The following PTPRD variants were observed in gnomAD, a reference collection of about 807,000 sequenced individuals.
The protein encoded by PTPRD is protein tyrosine phosphatase receptor type D.
A neutral mutation model predicts 214.5 loss-of-function variants in PTPRD; 34 were observed. The ratio of observed to expected loss-of-function variants is 0.16; its 90% CI spans 0.12 to 0.21. The LOEUF (loss-of-function observed/expected upper bound fraction) is 0.21. Among genes scored for constraint, PTPRD ranks in the 10% least tolerant of loss-of-function variants. The probability of loss-of-function intolerance (pLI) is 1.00; values close to 1 mark genes in which losing one functional copy is unlikely to be tolerated. For missense variants in PTPRD, 2,545 were observed against 2,398.7 expected, an observed-to-expected ratio of 1.06 and a Z score of -1.27; for synonymous variants, 1,128 against 845.7, an observed-to-expected ratio of 1.33 and a Z score of -5.79.
intron 14 of PTPRD, among the ~76,000 whole-genome samples, chr9:8,536,175 G>C (rs2139972177): frequency 1.3e-5 from 2 of 151,852 alleles, no homozygotes; most frequent in Middle Eastern, 6.8e-3. Context: ...TCTTTTTATT[G>C]TGTCATGTTT....
intron 25 of PTPRD, among the ~76,000 whole-genome samples, chr9:8,499,341 T>A (rs1035291024): frequency 1.3e-5 from 2 of 152,168 alleles, no homozygotes; most frequent in African/African-American, 4.8e-5. Context: ...TTGACTCAAC[T>A]AAGTCAATCA....
intron 7 of PTPRD, among the ~76,000 whole-genome samples, chr9:9,618,666 G>A (rs1309250088): frequency 3.7e-4 from 56 of 152,152 alleles, no homozygotes; most frequent in Non-Finnish European, 2.9e-5. Context: ...TTTGGGATGT[G>A]TTTAATGTAA....
At chr9:10,042,806 T>A (rs1589573392) in intron 3 of PTPRD, among the ~76,000 whole-genome samples, 1 of 151,950 alleles carries the variant, frequency 6.6e-6, no homozygotes, top group East Asian at 1.9e-4. Context: ...TGACAAGTAA[T>A]TATCCAGAAT....
At chr9:9,756,795 G>T (rs1343665031) in intron 6 of PTPRD, among the ~76,000 whole-genome samples, 1 of 152,184 alleles carries the variant, frequency 6.6e-6, no homozygotes, top group Non-Finnish European at 1.5e-5. Flanking sequence ...AGAGACCACA[G>T]TCTTAAAGAT....
chr9:8,366,811 G>A (rs1054837620), intron 39 of PTPRD, among the ~76,000 whole-genome samples: 4 of 152,206 alleles, frequency 2.6e-5, no homozygotes, highest in Admixed American at 6.5e-5. Flanking sequence ...ACGAAGCAAT[G>A]TGACTAATAT....
chr9:9,378,014 C>T (rs780473733), intron 9 of PTPRD, among the ~76,000 whole-genome samples: 2 of 152,034 alleles, frequency 1.3e-5, no homozygotes, highest in Non-Finnish European at 2.9e-5. Flanking sequence ...CACAACCTCT[C>T]CCATCATCAG....
chr9:9,478,551 G>A (rs914978120), intron 8 of PTPRD, among the ~76,000 whole-genome samples: 9 of 152,126 alleles, frequency 5.9e-5, no homozygotes, highest in Non-Finnish European at 8.8e-5. Context: ...AGGTCACGCA[G>A]TAAGTAAACA....
At chr9:8,342,588 A>C (rs1456772666) in intron 39 of PTPRD, among the ~76,000 whole-genome samples, 1 of 152,056 alleles carries the variant, frequency 6.6e-6, no homozygotes, top group Non-Finnish European at 1.5e-5. Flanking sequence ...GGTATATAAT[A>C]GGTGTATATT....
rs201841179 is a variant in PTPRD at position 9,949,696 on chromosome 9, T to TAAC, written c.-471-11089_-471-11087dup. On this transcript the variant is annotated intron_variant, in intron 4 of 45. Coordinates refer to ENST00000381196, the MANE Select transcript of PTPRD (RefSeq NM_002839.4). ...CTGGCAAAGAAACAAACAAACAAAC[T>TAAC]AACAACAACAACAAAAAAAATGCTT... is the stretch of plus-strand genomic sequence containing the variant. 2.2e-4 allele frequency among the ~76,000 whole-genome samples: 34 copies of TAAC among 151,846 alleles called. 1 individual carries two copies. The East Asian group carries it at 6.2e-3, about 28-fold the overall frequency.
At chr9:10,362,338 T>A (rs1337924960) in intron 2 of PTPRD, among the ~76,000 whole-genome samples, 2 of 5,174 alleles carry the variant, frequency 3.9e-4, no homozygotes, top group Non-Finnish European at 6.4e-4. Context: ...ACAGAGAAAT[T>A]TTTTTTTTTT....
At chr9:10,085,428 C>T (rs2098318925) in intron 3 of PTPRD, among the ~76,000 whole-genome samples, 1 of 151,766 alleles carries the variant, frequency 6.6e-6, no homozygotes, top group South Asian at 2.1e-4. Context: ...CTTTCAGGAT[C>T]CTAAACCTGT....
intron 2 of PTPRD, among the ~76,000 whole-genome samples, chr9:10,508,330 A>G (rs1012912737): frequency 1.1e-4 from 17 of 152,134 alleles, no homozygotes; most frequent in African/African-American, 1.7e-4. Context: ...AAATAGGAAC[A>G]CTTTTACACT....
intron 37 of PTPRD, among the ~76,000 whole-genome samples, chr9:8,379,988 G>A (rs2084477081): frequency 1.3e-5 from 2 of 152,078 alleles, no homozygotes; most frequent in South Asian, 4.1e-4. Flanking sequence ...TTGAAGTGAT[G>A]CCCCTAAAAC....
At chr9:9,691,746 T>C (rs1224739503) in intron 7 of PTPRD, among the ~76,000 whole-genome samples, 1 of 152,068 alleles carries the variant, frequency 6.6e-6, no homozygotes, top group East Asian at 1.9e-4. Context: ...CCACCAATAG[T>C]ATACAAGGCT....
At chr9:8,999,485 A>T (rs1361683972) in intron 11 of PTPRD, among the ~76,000 whole-genome samples, 1 of 152,088 alleles carries the variant, frequency 6.6e-6, no homozygotes, top group Non-Finnish European at 1.5e-5. Flanking sequence ...TTTTAAGACA[A>T]TGCTATCAAA....
intron 11 of PTPRD, among the ~76,000 whole-genome samples, chr9:8,786,827 A>G (rs13283979): frequency 0.52 from 78,287 of 151,348 alleles, 21,235 homozygotes; most frequent in Middle Eastern, 0.64. Flanking sequence ...ATCTATTTTA[A>G]GTATCTCACC....
intron 10 of PTPRD, among the ~76,000 whole-genome samples, chr9:9,029,289 A>T (rs768718974): frequency 6.6e-5 from 10 of 151,886 alleles, no homozygotes; most frequent in Non-Finnish European, 1.0e-4. Flanking sequence ...AACTGTTGGA[A>T]GGTTGAGATT....
At chr9:9,317,769 T>A (rs1397596028) in intron 9 of PTPRD, among the ~76,000 whole-genome samples, 1 of 152,228 alleles carries the variant, frequency 6.6e-6, no homozygotes, top group East Asian at 1.9e-4. Flanking sequence ...ACCACAGATA[T>A]AAAATGGACC....
At chr9:9,548,726 A>G (rs977935159) in intron 8 of PTPRD, among the ~76,000 whole-genome samples, 3 of 152,172 alleles carry the variant, frequency 2.0e-5, no homozygotes, top group Non-Finnish European at 2.9e-5. Flanking sequence ...GTGCCGTATT[A>G]GACAAAGTTG....
Sources: allele counts gnomAD v4.1 joint callset (sites outside exome capture counted in the v4.1 genomes callset), GRCh38; gene constraint gnomAD v4.1.1; transcripts MANE v1.5; gene names NCBI Gene and HGNC (gene_info 2026-07-23, HGNC 2026-07-21).